ACSS3: variants seen among roughly 807,000 people sequenced by gnomAD.
ACSS3 encodes the protein acyl-CoA synthetase short chain family member 3.
ACSS3 carries 64 observed loss-of-function variants against 84.2 expected under a neutral mutation model. The observed-to-expected ratio is 0.76, with a 90% CI of 0.62 to 0.94. The LOEUF is 0.94. ACSS3 is among the 40% of genes least tolerant of loss of function. The probability of loss-of-function intolerance (pLI) is 0.00; values close to 1 mark genes in which losing one functional copy is unlikely to be tolerated. For missense variants in ACSS3, 815 were observed against 867.6 expected (o/e 0.94, Z 0.76); for synonymous variants, 317 against 310.1 (o/e 1.02, Z -0.23).
chr12:81,107,509 T>TACACACAC (rs199987577), intron 1 of ACSS3, among the ~76,000 whole-genome samples: 2 of 29,950 alleles, frequency 6.7e-5, no homozygotes, highest in African/African-American at 1.9e-4. Context: ...TACAAATATA[T>TACACACAC]ACATATATAT....
intron 8 of ACSS3, among the ~76,000 whole-genome samples, chr12:81,178,198 G>A (rs1004507913): frequency 6.7e-6 from 1 of 150,338 alleles, no homozygotes; most frequent in Non-Finnish European, 1.5e-5. Context: ...ATCATTCTTA[G>A]TAAACTATCT....
chr12:81,201,521 G>A (rs2032108969), intron 9 of ACSS3, among the ~76,000 whole-genome samples: 1 of 152,162 alleles, frequency 6.6e-6, no homozygotes, highest in Non-Finnish European at 1.5e-5. Flanking sequence ...TACAAAAAAG[G>A]TCACTGAAGC....
chr12:81,159,194 A>C (rs1887028851), intron 7 of ACSS3, among the ~76,000 whole-genome samples: 3 of 152,192 alleles, frequency 2.0e-5, no homozygotes, highest in African/African-American at 7.2e-5. Context: ...ACATATTTAA[A>C]TACAGAACAC....
intron 11 of ACSS3, among the ~76,000 whole-genome samples, chr12:81,223,379 G>T (rs980556918): frequency 3.9e-5 from 6 of 151,980 alleles, no homozygotes; most frequent in African/African-American, 1.4e-4. Flanking sequence ...ACAGCTTCAC[G>T]TAAATGATTC....
intron 2 of ACSS3, among the ~76,000 whole-genome samples, chr12:81,120,870 AAT>A (rs1593082682): frequency 6.6e-6 from 1 of 152,222 alleles, no homozygotes; most frequent in East Asian, 1.9e-4. Context: ...AAAGCTGAAT[AAT>A]ATTAACTTTA....
intron 3 of ACSS3, 109 bp from the exon 4 acceptor site, chr12:81,139,022 T>G (rs1054855867): frequency 5.9e-6 from 7 of 1,184,178 alleles, no homozygotes; most frequent in Non-Finnish European, 8.4e-6. Flanking sequence ...AACAGAAACA[T>G]TCAGACATTT....
chr12:81,097,018 G>T (rs547223330), intron 1 of ACSS3, among the ~76,000 whole-genome samples: 1 of 152,182 alleles, frequency 6.6e-6, no homozygotes, highest in Non-Finnish European at 1.5e-5. Flanking sequence ...CATTAGCCAA[G>T]TGTGGCTATT....
chr12:81,219,889 T>C, intron 10 of ACSS3, 124 bp from the exon 11 acceptor site: 1 of 495,684 alleles, frequency 2.0e-6, no homozygotes, highest in Non-Finnish European at 3.3e-6. Context: ...GTTCATGGTC[T>C]CACAGGAATT....
At chr12:81,181,185 TCTCTAAAGCCCTTATCATAATAGCCTA>T (rs1435276990) in intron 8 of ACSS3, among the ~76,000 whole-genome samples, 1 of 152,056 alleles carries the variant, frequency 6.6e-6, no homozygotes, top group African/African-American at 2.4e-5. Flanking sequence ...AACAGTAGGA[TCTCTAAAGCCCTTATCATAATAGCCTA>T]CACAATCAAT....
intron 13 of ACSS3, among the ~76,000 whole-genome samples, chr12:81,240,076 A>G (rs1234925871): frequency 6.6e-6 from 1 of 151,872 alleles, no homozygotes; most frequent in Non-Finnish European, 1.5e-5. Flanking sequence ...ATTGATGTCA[A>G]TTTTATTCAG....
At chr12:81,218,596 C>A (rs1203989398) in intron 10 of ACSS3, among the ~76,000 whole-genome samples, 2 of 152,018 alleles carry the variant, frequency 1.3e-5, no homozygotes, top group East Asian at 3.9e-4. Flanking sequence ...AAAGGTGAAC[C>A]CAGATTTAGT....
rs145673442 is a variant in ACSS3 at position 81,213,362 on chromosome 12, T to C, written c.1355-3539T>C. On this transcript the variant is annotated intron_variant, in intron 9 of 15. Transcript: ENST00000548058. ...GTGAGGAAATATGTATATGTTTATA[T>C]TGAAGATGCGTCAGTCCTTGGGTCC... Among the ~76,000 whole-genome samples, 406 of 152,206 alleles carry C rather than the reference T, an allele frequency of 2.7e-3. 3 individuals are homozygous for C. The highest frequency in any genetic ancestry group is 9.2e-3 in the African/African-American group (384 of 41,524).
chr12:81,172,224 C>T lies in ACSS3; in HGVS notation c.1099-2564C>T, dbSNP rs137916648. 2.1e-3 allele frequency among the ~76,000 whole-genome samples: 293 copies of T among 141,628 alleles called. 1 individual carries two copies. The highest frequency in any genetic ancestry group is 7.0e-3 in the African/African-American group (266 of 37,880). 92.9% of individuals were successfully genotyped at this position (141,628 alleles called of 152,430 possible). On this transcript the variant is annotated intron_variant, in intron 7 of 15. Coordinates refer to ENST00000548058, the MANE Select transcript of ACSS3 (RefSeq NM_024560.4). ...GAGGTTGCAGTGAGCCAAGATCCTG[C>T]CACTGCACTCCAGCCTGAGAGTGAG...
intron 11 of ACSS3, among the ~76,000 whole-genome samples, chr12:81,226,864 C>T (rs2135960837): frequency 6.6e-6 from 1 of 151,826 alleles, no homozygotes; most frequent in Non-Finnish European, 1.5e-5. Flanking sequence ...AACAAAGATC[C>T]AATTACATCT....
At chr12:81,148,658 T>G (rs1886457097) in intron 5 of ACSS3, among the ~76,000 whole-genome samples, 1 of 152,106 alleles carries the variant, frequency 6.6e-6, no homozygotes. Context: ...CTTTAAGAAT[T>G]ATGACTGATC....
intron 7 of ACSS3, among the ~76,000 whole-genome samples, chr12:81,161,816 C>CAT (rs1887163708): frequency 7.7e-6 from 1 of 130,564 alleles, no homozygotes; most frequent in Non-Finnish European, 1.7e-5. Flanking sequence ...AGCATGCAAG[C>CAT]GTGGGGTCCA....
At chr12:81,253,223 C>A in intron 13 of ACSS3, 84 bp from the exon 14 acceptor site, 1 of 1,385,936 alleles carries the variant, frequency 7.2e-7, no homozygotes, top group Admixed American at 1.8e-5. Flanking sequence ...GTTTGTATAT[C>A]TATATCTGTA....
Position 81,253,390 on chromosome 12 carries a change from CTG to C in ACSS3, c.1807_1808del (p.Val603IlefsTer21). On this transcript the variant is annotated frameshift_variant, in exon 14 of 16. Coordinates refer to ENST00000548058, the MANE Select transcript of ACSS3 (RefSeq NM_024560.4). LOFTEE classifies it high-confidence loss of function. ...TAAAAGGTCATGTCCCCTTAGCACT[CTG>C]TGTATTGAGAAAAGGTGAGAGATCT... Reference protein sequence around the residue: ...PLKGHVPLALCVLRKDINATE... With the variant: ...PLKGHVPLALXVLRKDINATE... 1 of 1,613,904 alleles carries C rather than the reference CTG, an allele frequency of 6.2e-7. No homozygotes were observed. Among genetic ancestry groups the C allele is most frequent in the Non-Finnish European group, 8.5e-7 (1 of 1,179,860 alleles).
At chr12:81,184,766 G>C (rs1283351594) in intron 8 of ACSS3, among the ~76,000 whole-genome samples, 1 of 151,516 alleles carries the variant, frequency 6.6e-6, no homozygotes, top group Non-Finnish European at 1.5e-5. Context: ...ACAAAGAAAA[G>C]CCCAAAACCA....
Sources: gnomAD v4.1 joint callset for allele counts (sites outside exome capture counted in the v4.1 genomes callset) on GRCh38, gnomAD v4.1.1 for gene constraint, MANE v1.5 for transcripts, NCBI Gene and HGNC (gene_info 2026-07-23, HGNC 2026-07-21) for gene names.